The following CCDC146 variants were observed in gnomAD, a reference collection of about 807,000 sequenced individuals.
CCDC146 encodes the protein coiled-coil domain containing 146, also known as coiled-coil domain-containing protein 146.
Under a neutral mutation model 119.3 loss-of-function variants are expected in CCDC146, and 92 were observed. The observed-to-expected ratio is 0.77, with a 90% CI of 0.65 to 0.92. CCDC146 has a LOEUF of 0.92. CCDC146 is among the 40% of genes least tolerant of loss of function. The pLI is 0.00. For synonymous variants in CCDC146, 372 were observed against 371.8 expected, an observed-to-expected ratio of 1.00 and a Z score of -0.01; for missense variants, 1,000 against 1,103.0, an observed-to-expected ratio of 0.91 and a Z score of 1.32.
At chr7:77,165,498 G>A (rs1053860158) in intron 1 of CCDC146, among the ~76,000 whole-genome samples, 1 of 152,052 alleles carries the variant, frequency 6.6e-6, no homozygotes, top group African/African-American at 2.4e-5. Flanking sequence ...CCTGTGGCCT[G>A]GTGCTCAAAT....
chr7:77,216,645 TG>T (rs1792306348), intron 2 of CCDC146, among the ~76,000 whole-genome samples: 1 of 152,212 alleles, frequency 6.6e-6, no homozygotes, highest in Admixed American at 6.6e-5. Flanking sequence ...CCTAGTCTGC[TG>T]GTGCTTAACT....
At chr7:77,162,533 A>G (rs1791278039) in intron 1 of CCDC146, among the ~76,000 whole-genome samples, 2 of 152,170 alleles carry the variant, frequency 1.3e-5, no homozygotes, top group Admixed American at 6.5e-5. Flanking sequence ...TGTTTTGATT[A>G]CTATAACTTT....
chr7:77,190,586 G>A (rs570663644), intron 2 of CCDC146, among the ~76,000 whole-genome samples: 2 of 152,342 alleles, frequency 1.3e-5, no homozygotes, highest in Non-Finnish European at 1.5e-5. Context: ...AATGTCAGGG[G>A]AGGGACTACT....
chr7:77,198,973 T>G, intron 2 of CCDC146: 1 of 553,206 alleles, frequency 1.8e-6, no homozygotes. Flanking sequence ...TGACTTCCAG[T>G]GGATACAGAA....
At position 77,147,159 on chromosome 7, in the gene CCDC146, T is replaced by C. The variant is rs540475531; in HGVS notation, c.-11-20499T>C. 3.3e-5 allele frequency among the ~76,000 whole-genome samples: 5 copies of C among 152,340 alleles called. No homozygotes were observed. In the South Asian group the frequency reaches 1.0e-3, roughly 32 times the overall value. ...TCTGTTCTTACTTCATTTCATTCAT[T>C]TGATCTTCAATCACTGATACCCTTT... On this transcript the variant is annotated intron_variant, in intron 1 of 18. Coordinates refer to ENST00000285871, the MANE Select transcript of CCDC146 (RefSeq NM_020879.3).
chr7:77,262,529 A>G, intron 9 of CCDC146, among the ~76,000 whole-genome samples: 1 of 152,192 alleles, frequency 6.6e-6, no homozygotes, highest in Non-Finnish European at 1.5e-5. Flanking sequence ...TCTTGTTTGG[A>G]TCAGTCATCC....
chr7:77,287,355 G>A (rs1333722199), intron 16 of CCDC146, 85 bp from the exon 17 acceptor site: 1 of 1,401,068 alleles, frequency 7.1e-7, no homozygotes, highest in African/African-American at 1.4e-5. Context: ...TGGGGGGTAG[G>A]GGGAGATACT....
intron 1 of CCDC146, among the ~76,000 whole-genome samples, chr7:77,160,177 T>C (rs1348176122): frequency 3.3e-5 from 5 of 152,190 alleles, no homozygotes; most frequent in Non-Finnish European, 5.9e-5. Flanking sequence ...TGTAGCCTTG[T>C]AGTATAGTTT....
chr7:77,278,916 A>G lies in CCDC146; in HGVS notation c.1530-21A>G, dbSNP rs754637706. The G allele has an allele frequency of 1.0e-5, 16 of 1,604,996 alleles. No homozygotes were observed. The East Asian group carries it at 2.9e-4, about 29-fold the overall frequency. On this transcript the variant is annotated intron_variant, in intron 12 of 18. Transcript: ENST00000285871. ...TGATGTTCATTTCATAAGTTTCAGT[A>G]AACACTTTGTATTTTTACAGACTGA...
intron 3 of CCDC146, among the ~76,000 whole-genome samples, chr7:77,237,519 C>T (rs944902262): frequency 5.3e-5 from 8 of 152,218 alleles, no homozygotes; most frequent in African/African-American, 1.9e-4. Flanking sequence ...ACTAAAGCTG[C>T]AGGTGGGCAA....
At chr7:77,183,113 C>A (rs1791614589) in intron 2 of CCDC146, among the ~76,000 whole-genome samples, 1 of 152,116 alleles carries the variant, frequency 6.6e-6, no homozygotes, top group African/African-American at 2.4e-5. Context: ...GGCAAAACTT[C>A]CCCAAATTCC....
Position 77,253,567 on chromosome 7 carries a change from C to T in CCDC146, c.450-939C>T, listed in dbSNP as rs1793119689. On this transcript the variant is annotated intron_variant, in intron 4 of 18. Coordinates refer to ENST00000285871, the MANE Select transcript of CCDC146 (RefSeq NM_020879.3). ...ATGGGGACAAAACTAATTCTAGTTC[C>T]ATTTATTCATATTAATTTTTACTGG... is the stretch of plus-strand genomic sequence containing the variant. 2.0e-5 allele frequency among the ~76,000 whole-genome samples: 3 copies of T among 152,186 alleles called. No individual in the cohort carries two copies. In the South Asian group the frequency reaches 6.2e-4, roughly 32 times the overall value.
chr7:77,163,846 TC>T (rs1791299588), intron 1 of CCDC146, among the ~76,000 whole-genome samples: 2 of 141,984 alleles, frequency 1.4e-5, no homozygotes, highest in Admixed American at 7.4e-5. Context: ...TTTCTTTCTT[TC>T]TTTCTTTTTT....
intron 9 of CCDC146, among the ~76,000 whole-genome samples, chr7:77,272,397 G>T (rs568087428): frequency 1.3e-5 from 2 of 152,282 alleles, no homozygotes; most frequent in East Asian, 3.9e-4. Flanking sequence ...GGATGATGGG[G>T]CATCCAAAGA....
At position 77,134,563 on chromosome 7, in the gene CCDC146, C is replaced by CTGTGTGTGTG. The variant is rs1554345524; in HGVS notation, c.-12+11857_-12+11866dup. ...ACTCTGTGTGTGTGTGTGTGTGTGT[C>CTGTGTGTGTG]TGTGTGTGTGTGTGTGTGTGTGTGT... is the stretch of plus-strand genomic sequence containing the variant. On this transcript the variant is annotated intron_variant, in intron 1 of 18. Transcript: ENST00000285871. Among the ~76,000 whole-genome samples, 130 of 139,404 alleles carry CTGTGTGTGTG rather than the reference C, an allele frequency of 9.3e-4. 1 individual carries two copies. Among genetic ancestry groups the CTGTGTGTGTG allele is most frequent in the Middle Eastern group, 3.7e-3 (1 of 268 alleles). 91.5% of individuals were successfully genotyped at this position (139,404 alleles called of 152,430 possible). A position where few individuals can be genotyped will look rare whatever the true frequency, so the allele number is the denominator to read the frequency against.
intron 2 of CCDC146, among the ~76,000 whole-genome samples, chr7:77,232,394 T>A (rs544385580): frequency 1.3e-5 from 2 of 152,346 alleles, no homozygotes; most frequent in South Asian, 4.1e-4. Flanking sequence ...AAGTGTGAAT[T>A]TTTTTACTGT....
At chr7:77,226,406 C>G (rs1485452832) in intron 2 of CCDC146, among the ~76,000 whole-genome samples, 4 of 152,242 alleles carry the variant, frequency 2.6e-5, no homozygotes, top group African/African-American at 9.6e-5. Context: ...CACACCCACG[C>G]AAACACCTAA....
chr7:77,154,612 A>G (rs1791154876), intron 1 of CCDC146, among the ~76,000 whole-genome samples: 1 of 151,896 alleles, frequency 6.6e-6, no homozygotes, highest in Non-Finnish European at 1.5e-5. Context: ...AGTTTCATCC[A>G]TGTCCCTACA....
At position 77,289,761 on chromosome 7, in the gene CCDC146, A is replaced by C. The variant is rs565904946; in HGVS notation, c.2415+2184A>C. ...ATGGGAGCAGAAAGTGGGAAATCTCAGTTAAGACTTGGAGCAACCCAGGAT... is the reference window on the plus strand; with the variant it reads ...ATGGGAGCAGAAAGTGGGAAATCTCCGTTAAGACTTGGAGCAACCCAGGAT... On this transcript the variant is annotated intron_variant, in intron 17 of 18. Coordinates refer to ENST00000285871, the MANE Select transcript of CCDC146 (RefSeq NM_020879.3). Among the ~76,000 whole-genome samples the C allele has an allele frequency of 1.8e-4, 27 of 152,326 alleles. 1 individual carries two copies. Among genetic ancestry groups the C allele is most frequent in the African/African-American group, 6.3e-4 (26 of 41,576 alleles).
Sources: gnomAD v4.1 joint callset for allele counts (sites outside exome capture counted in the v4.1 genomes callset) on GRCh38, gnomAD v4.1.1 for gene constraint, MANE v1.5 for transcripts, NCBI Gene and HGNC (gene_info 2026-07-23, HGNC 2026-07-21) for gene names.